The following TGFBI variants were observed in gnomAD, a reference collection of about 807,000 sequenced individuals.
The protein encoded by TGFBI is transforming growth factor beta induced.
Under a neutral mutation model 73.7 loss-of-function variants are expected in TGFBI, and 50 were observed. That is an observed-to-expected ratio of 0.68 (90% confidence interval 0.54 to 0.86). TGFBI has a LOEUF of 0.86. Ranked by LOEUF, TGFBI falls within the 40% of genes least tolerant of loss-of-function variation. The probability of loss-of-function intolerance (pLI) is 0.00; values close to 1 mark genes in which losing one functional copy is unlikely to be tolerated. For synonymous variants in TGFBI, 362 were observed against 360.5 expected, an observed-to-expected ratio of 1.00 and a Z score of -0.05; for missense variants, 839 against 877.0, an observed-to-expected ratio of 0.96 and a Z score of 0.55.
chr5:136,044,050 T>C lies in TGFBI; in HGVS notation c.234-8T>C. On this transcript the variant is annotated splice_region_variant and splice_polypyrimidine_tract_variant and intron_variant, in intron 2 of 16. Transcript: ENST00000442011. ...TGCCTAACACAATGTATGGTTGTCT[T>C]GTTACAGAGTCATCAGCTACGAGTG... The C allele has an allele frequency of 6.2e-7, 1 of 1,612,638 alleles. No individual in the cohort carries two copies. The highest frequency in any genetic ancestry group is 8.5e-7 in the Non-Finnish European group (1 of 1,179,018).
chr5:136,030,060 G>C (rs1404800822), intron 1 of TGFBI, among the ~76,000 whole-genome samples: 1 of 152,134 alleles, frequency 6.6e-6, no homozygotes, highest in Non-Finnish European at 1.5e-5. Flanking sequence ...TCAAAAACCA[G>C]GCCATACCTG....
intron 12 of TGFBI, 100 bp downstream of exon 12, chr5:136,056,895 G>A: frequency 7.1e-7 from 1 of 1,410,552 alleles, no homozygotes; most frequent in Non-Finnish European, 9.6e-7. Context: ...GACTTGAAGG[G>A]ATTTTATGAC....
chr5:136,038,970 A>G (rs1217398281), intron 2 of TGFBI, among the ~76,000 whole-genome samples: 2 of 152,204 alleles, frequency 1.3e-5, no homozygotes, highest in African/African-American at 4.8e-5. Context: ...TCAAGCCACT[A>G]AATTTGTGGT....
chr5:136,046,813 T>C, intron 4 of TGFBI, 38 bp from the exon 5 acceptor site: 1 of 1,594,068 alleles, frequency 6.3e-7, no homozygotes, highest in East Asian at 2.2e-5. Flanking sequence ...AAACACAGAG[T>C]CTGCAGCCCC....
At chr5:136,049,087 G>A (rs1751486240) in intron 6 of TGFBI, 1 of 225,298 alleles carries the variant, frequency 4.4e-6, no homozygotes, top group South Asian at 8.6e-5. Context: ...GGGGTGGGAA[G>A]TGTGCCAAGT....
chr5:136,037,386 A>C (rs1346928946), intron 2 of TGFBI, among the ~76,000 whole-genome samples: 1 of 152,172 alleles, frequency 6.6e-6, no homozygotes, highest in African/African-American at 2.4e-5. Flanking sequence ...AGTAGCCATA[A>C]AATTTTTTAC....
At chr5:136,054,228 G>A (rs1292168737) in intron 9 of TGFBI, 148 bp downstream of exon 9, 1 of 1,147,886 alleles carries the variant, frequency 8.7e-7, no homozygotes, top group African/African-American at 1.5e-5. Flanking sequence ...GACTTCAGCA[G>A]AAACTTCAGA....
At chr5:136,055,453 G>T (rs1003225318) in intron 10 of TGFBI, 7 of 403,876 alleles carry the variant, frequency 1.7e-5, no homozygotes, top group Non-Finnish European at 3.0e-5. Flanking sequence ...TGGGACCTCT[G>T]TGTGACTTTA....
chr5:136,059,556 C>T (rs796149551), intron 13 of TGFBI, among the ~76,000 whole-genome samples: 2 of 152,190 alleles, frequency 1.3e-5, no homozygotes, highest in Non-Finnish European at 2.9e-5. Flanking sequence ...ATCCCACCCC[C>T]CAAACCCAGG....
intron 2 of TGFBI, among the ~76,000 whole-genome samples, chr5:136,038,512 G>T (rs6596279): frequency 0.026 from 3,936 of 151,998 alleles, 179 homozygotes; most frequent in African/African-American, 0.09. Context: ...GACAGGAGTT[G>T]GAGACCAGCC....
chr5:136,042,034 T>G (rs903697820), intron 2 of TGFBI, among the ~76,000 whole-genome samples: 3 of 152,222 alleles, frequency 2.0e-5, no homozygotes, highest in Non-Finnish European at 2.9e-5. Flanking sequence ...CCAACTCTGC[T>G]TCAGCATCTC....
rs1751735846 is a variant in TGFBI at position 136,060,903 on chromosome 5, G to A, written c.1873G>A (p.Val625Ile). The A allele has an allele frequency of 1.9e-6, 3 of 1,593,676 alleles. No individual in the cohort carries two copies. In the African/African-American group the frequency reaches 4.0e-5, roughly 21 times the overall value. The change falls in exon 14 of 17, where the codon GTC becomes ATC. Residue 625 changes from valine (V) to isoleucine (I), a missense_variant. Physicochemically the swap from Val to Ile is conservative, Grantham distance 29 (BLOSUM62 3). Coordinates refer to ENST00000442011, the MANE Select transcript of TGFBI (RefSeq NM_000358.3). Reference protein sequence around the residue: ...EPDIMATNGVVHVITNVLQPP... With the variant: ...EPDIMATNGVIHVITNVLQPP... ...TGACATCATGGCCACAAATGGCGTG[G>A]TCCATGTCATCACCAATGTTCTGCA...
At chr5:136,061,697 C>A in intron 15 of TGFBI, 118 bp downstream of exon 15, 2 of 810,654 alleles carry the variant, frequency 2.5e-6, no homozygotes, top group Non-Finnish European at 4.2e-6. Context: ...TCTCTTAAAA[C>A]TTCTCCCCAC....
chr5:136,031,946 C>G (rs1379098278), intron 1 of TGFBI, among the ~76,000 whole-genome samples: 2 of 152,182 alleles, frequency 1.3e-5, no homozygotes, highest in East Asian at 3.9e-4. Flanking sequence ...GCCACATCCA[C>G]AAGAGACTCA....
At chr5:136,037,520 A>G (rs1222130462) in intron 2 of TGFBI, among the ~76,000 whole-genome samples, 4 of 152,226 alleles carry the variant, frequency 2.6e-5, no homozygotes. Context: ...CCAAGTTGAC[A>G]TCATGGGACT....
intron 7 of TGFBI, 49 bp from the exon 8 acceptor site, chr5:136,052,858 G>T (rs573489135): frequency 8.3e-5 from 131 of 1,579,088 alleles, no homozygotes; most frequent in Non-Finnish European, 1.0e-4. Context: ...GGTCCCTGAG[G>T]TTATCGTGGA....
At chr5:136,039,880 G>A (rs1003528573) in intron 2 of TGFBI, among the ~76,000 whole-genome samples, 1 of 152,192 alleles carries the variant, frequency 6.6e-6, no homozygotes, top group South Asian at 2.1e-4. Context: ...AACCATCCCA[G>A]GCAAGCAGTC....
rs763967039 is a variant in TGFBI, at chr5:136,054,697, C to T, written c.1265-19C>T. 2 of 1,613,948 alleles carry T rather than the reference C, an allele frequency of 1.2e-6. No homozygotes were observed. Among genetic ancestry groups the T allele is most frequent in the South Asian group, 1.1e-5 (1 of 91,084 alleles). ...CAGGAGCACATCTCTCTGGACCTAA[C>T]CATCACCCTTTCTTGTAGATGGAAC... is the stretch of plus-strand genomic sequence containing the variant. On this transcript the variant is annotated intron_variant, in intron 9 of 16. Transcript: ENST00000442011.
chr5:136,038,983 T>C (rs1315524832), intron 2 of TGFBI, among the ~76,000 whole-genome samples: 1 of 152,218 alleles, frequency 6.6e-6, no homozygotes, highest in East Asian at 1.9e-4. Flanking sequence ...TTTGTGGTAA[T>C]TTGTCACAGA....
Sources: gnomAD v4.1 joint callset for allele counts (sites outside exome capture counted in the v4.1 genomes callset) on GRCh38, gnomAD v4.1.1 for gene constraint, MANE v1.5 for transcripts, NCBI Gene and HGNC (gene_info 2026-07-23, HGNC 2026-07-21) for gene names.